The following SOX6 variants were observed in gnomAD, a reference collection of about 807,000 sequenced individuals.
SOX6 encodes the protein SRY-box transcription factor 6, also known as transcription factor SOX-6.
A neutral mutation model predicts 97.8 loss-of-function variants in SOX6; 11 were observed. That is an observed-to-expected ratio of 0.11 (90% CI 0.07 to 0.19). The LOEUF is 0.19. Among genes scored for constraint, SOX6 ranks in the 10% least tolerant of loss-of-function variants. The pLI, the probability that SOX6 is intolerant of heterozygous loss-of-function variation, is 1.00. For missense variants in SOX6, 810 were observed against 1,039.5 expected (o/e 0.78, Z 3.04); for synonymous variants, 360 against 371.4 (o/e 0.97, Z 0.35).
intron 3 of SOX6, among the ~76,000 whole-genome samples, chr11:16,632,544 C>A (rs1848723863): frequency 1.3e-5 from 2 of 152,222 alleles, no homozygotes; most frequent in Admixed American, 1.3e-4. Context: ...GCTTCCTGCT[C>A]AGCCCTGGGG....
rs563181104 is a variant in SOX6, at chr11:16,522,946, A to C, written n.610-46558T>G. Among the ~76,000 whole-genome samples, 427 of 152,334 alleles carry C rather than the reference A, an allele frequency of 2.8e-3. 1 individual carries two copies. Among genetic ancestry groups the C allele is most frequent in the Non-Finnish European group, 4.6e-3 (315 of 68,022 alleles). On this transcript the variant is annotated intron_variant and non_coding_transcript_variant, in intron 4 of 5. Transcript: ENST00000524520. ...GAAGAGCTAACTATCCTAAATATACATGCACCCAATACAGGAGCACCCAGA... is the reference window on the plus strand; with the variant it reads ...GAAGAGCTAACTATCCTAAATATACCTGCACCCAATACAGGAGCACCCAGA...
chr11:15,982,704 A>T (rs754356972), intron 15 of SOX6, among the ~76,000 whole-genome samples: 2 of 152,120 alleles, frequency 1.3e-5, no homozygotes, highest in African/African-American at 4.8e-5. Flanking sequence ...TTCCATACAG[A>T]TGCAACCACT....
At chr11:16,585,182 G>A (rs1848077770) in intron 4 of SOX6, among the ~76,000 whole-genome samples, 1 of 152,134 alleles carries the variant, frequency 6.6e-6, no homozygotes, top group South Asian at 2.1e-4. Flanking sequence ...GGAAATTGTA[G>A]GATTAGTTCA....
intron 13 of SOX6, among the ~76,000 whole-genome samples, chr11:15,997,389 C>A (rs1854258014): frequency 6.6e-6 from 1 of 152,076 alleles, no homozygotes; most frequent in Non-Finnish European, 1.5e-5. Context: ...AGGCAGCATA[C>A]CTTGACAGAG....
At chr11:16,352,839 G>A (rs1383698611) in intron 1 of SOX6, among the ~76,000 whole-genome samples, 1 of 151,984 alleles carries the variant, frequency 6.6e-6, no homozygotes, top group African/African-American at 2.4e-5. Context: ...AAAAGAGAGA[G>A]AAACATAGAG....
intron 3 of SOX6, among the ~76,000 whole-genome samples, chr11:16,698,316 C>T (rs1206382945): frequency 6.6e-6 from 1 of 152,166 alleles, no homozygotes; most frequent in Non-Finnish European, 1.5e-5. Flanking sequence ...CATGAACCAA[C>T]CTCTCCTAGC....
chr11:16,315,994 T>G (rs1019001889), intron 3 of SOX6: 1 of 152,192 alleles, frequency 6.6e-6, no homozygotes, highest in African/African-American at 2.4e-5. Flanking sequence ...CTACCAACTC[T>G]TGAATGCATC....
At chr11:16,448,640 A>C (rs1859657629) in intron 1 of SOX6, among the ~76,000 whole-genome samples, 1 of 152,178 alleles carries the variant, frequency 6.6e-6, no homozygotes, top group Non-Finnish European at 1.5e-5. Context: ...TCCTTCATTT[A>C]AGTGAATTGT....
intron 3 of SOX6, among the ~76,000 whole-genome samples, chr11:16,624,092 G>A (rs1848587514): frequency 6.6e-6 from 1 of 152,048 alleles, no homozygotes; most frequent in South Asian, 2.1e-4. Flanking sequence ...AATTCATTAT[G>A]TACTCTTGAA....
chr11:16,151,837 A>C (rs967476276), intron 6 of SOX6, among the ~76,000 whole-genome samples: 2 of 152,178 alleles, frequency 1.3e-5, no homozygotes, highest in African/African-American at 2.4e-5. Context: ...AAAACTTAAA[A>C]TGAAGGTACA....
chr11:16,167,465 T>C (rs1314881000), intron 6 of SOX6, among the ~76,000 whole-genome samples: 1 of 152,146 alleles, frequency 6.6e-6, no homozygotes, highest in Non-Finnish European at 1.5e-5. Context: ...AAAACCCAAG[T>C]CAGGGCACGC....
intron 4 of SOX6, among the ~76,000 whole-genome samples, chr11:16,201,485 T>C (rs1253466989): frequency 6.6e-6 from 1 of 150,790 alleles, no homozygotes; most frequent in Non-Finnish European, 1.5e-5. Flanking sequence ...AAACTCATAA[T>C]AAACAAATAT....
At chr11:16,443,423 C>A (rs892908513) in intron 1 of SOX6, among the ~76,000 whole-genome samples, 1 of 152,136 alleles carries the variant, frequency 6.6e-6, no homozygotes, top group Non-Finnish European at 1.5e-5. Context: ...ACATCTTTAT[C>A]TCTGCATTTT....
intron 12 of SOX6, among the ~76,000 whole-genome samples, chr11:16,030,397 A>G (rs1192649049): frequency 6.6e-6 from 1 of 152,186 alleles, no homozygotes; most frequent in East Asian, 1.9e-4. Flanking sequence ...TTCATTGTCT[A>G]TTGTTCTAAA....
In SOX6 at chr11:16,004,976, C is replaced by T. The variant is rs1854505995; in HGVS notation, c.1732+9966G>A. ...GGGCATACATGTAAATTTCCTAGCA[C>T]AGTGACTGGAACCCAATACCTACTC... is the stretch of plus-strand genomic sequence containing the variant. On this transcript the variant is annotated intron_variant, in intron 13 of 15. Transcript: ENST00000683767. 5.9e-5 allele frequency among the ~76,000 whole-genome samples: 9 copies of T among 152,058 alleles called. No homozygotes were observed. The South Asian group carries it at 1.7e-3, about 28-fold the overall frequency.
At chr11:16,135,817 T>C (rs1387523397) in intron 6 of SOX6, among the ~76,000 whole-genome samples, 1 of 152,222 alleles carries the variant, frequency 6.6e-6, no homozygotes, top group East Asian at 1.9e-4. Context: ...GATGTTCTAC[T>C]GTGGGTAAAA....
chr11:16,567,675 T>A (rs749587956), intron 4 of SOX6, among the ~76,000 whole-genome samples: 1 of 147,188 alleles, frequency 6.8e-6, no homozygotes, highest in East Asian at 2.0e-4. Context: ...CAAGCAATTC[T>A]CCTGCCTCAG....
At chr11:16,035,682 A>G (rs1407559228) in intron 12 of SOX6, among the ~76,000 whole-genome samples, 1 of 152,226 alleles carries the variant, frequency 6.6e-6, no homozygotes, top group African/African-American at 2.4e-5. Flanking sequence ...TATTATATTT[A>G]GTGCCTACTA....
At chr11:16,214,404 T>C (rs2134146950) in intron 4 of SOX6, among the ~76,000 whole-genome samples, 1 of 152,316 alleles carries the variant, frequency 6.6e-6, no homozygotes, top group East Asian at 1.9e-4. Context: ...CTAGTCCTTC[T>C]GCATCTTATA....
Sources: allele counts gnomAD v4.1 joint callset (sites outside exome capture counted in the v4.1 genomes callset), GRCh38; gene constraint gnomAD v4.1.1; transcripts MANE v1.5; gene names NCBI Gene and HGNC (gene_info 2026-07-23, HGNC 2026-07-21).